Variants in PTPRM observed in about 807,000 individuals in gnomAD.
PTPRM encodes the protein protein tyrosine phosphatase receptor type M, also known as receptor-type tyrosine-protein phosphatase mu.
A neutral mutation model predicts 186.7 loss-of-function variants in PTPRM; 47 were observed. The ratio of observed to expected loss-of-function variants is 0.25; its 90% CI spans 0.20 to 0.32. PTPRM has a LOEUF of 0.32. Among genes scored for constraint, PTPRM ranks in the 10% least tolerant of loss-of-function variants. PTPRM has a pLI of 1.00. For missense variants in PTPRM, 1,494 were observed against 1,865.0 expected (o/e 0.80, Z 3.66); for synonymous variants, 668 against 674.9 (o/e 0.99, Z 0.16).
intron 1 of PTPRM, among the ~76,000 whole-genome samples, chr18:7,699,081 T>G (rs1390705090): frequency 1.3e-5 from 2 of 152,166 alleles, no homozygotes; most frequent in Non-Finnish European, 2.9e-5. Context: ...AGCGGCAGCA[T>G]TAGATTCTCA....
At chr18:7,853,622 C>T (rs2046965984) in intron 2 of PTPRM, among the ~76,000 whole-genome samples, 1 of 152,176 alleles carries the variant, frequency 6.6e-6, no homozygotes, top group African/African-American at 2.4e-5. Context: ...TTCTCTTCTT[C>T]TCAAACAGTT....
At chr18:7,913,662 C>G (rs2050399338) in intron 4 of PTPRM, among the ~76,000 whole-genome samples, 1 of 152,124 alleles carries the variant, frequency 6.6e-6, no homozygotes, top group Non-Finnish European at 1.5e-5. Flanking sequence ...TGGAACACAT[C>G]TCACTTAGGC....
intron 22 of PTPRM, among the ~76,000 whole-genome samples, chr18:8,337,940 CAT>C (rs1291004863): frequency 2.0e-5 from 3 of 152,146 alleles, no homozygotes; most frequent in Non-Finnish European, 2.9e-5. Context: ...AGGAAAATGA[CAT>C]GTGGGGTTTA....
chr18:8,356,608 T>C (rs1003059309), intron 23 of PTPRM, among the ~76,000 whole-genome samples: 2 of 152,160 alleles, frequency 1.3e-5, no homozygotes, highest in Admixed American at 1.3e-4. Context: ...GGGAAGTAGC[T>C]ATTTTAGGGA....
At chr18:8,305,223 G>T (rs1376842521) in intron 20 of PTPRM, among the ~76,000 whole-genome samples, 1 of 152,066 alleles carries the variant, frequency 6.6e-6, no homozygotes, top group Non-Finnish European at 1.5e-5. Context: ...ATCATTGAAT[G>T]GTTACCAAGG....
chr18:8,070,768 TA>T (rs1197086021), intron 8 of PTPRM, among the ~76,000 whole-genome samples: 2 of 152,204 alleles, frequency 1.3e-5, no homozygotes, highest in African/African-American at 4.8e-5. Flanking sequence ...AAATTTGACC[TA>T]AAAATCATTT....
chr18:7,724,339 C>T (rs1010792124), intron 1 of PTPRM, among the ~76,000 whole-genome samples: 3 of 152,096 alleles, frequency 2.0e-5, no homozygotes, highest in African/African-American at 7.2e-5. Context: ...TGACTTTAAC[C>T]ATTTTTTCCT....
At chr18:8,280,616 A>T (rs905217267) in intron 19 of PTPRM, among the ~76,000 whole-genome samples, 1 of 152,194 alleles carries the variant, frequency 6.6e-6, no homozygotes, top group Non-Finnish European at 1.5e-5. Context: ...TAAATAATTT[A>T]CATTAAATGT....
chr18:7,946,109 C>T (rs1419080314), intron 5 of PTPRM, among the ~76,000 whole-genome samples: 1 of 152,176 alleles, frequency 6.6e-6, no homozygotes, highest in Non-Finnish European at 1.5e-5. Flanking sequence ...CCATCTGTGG[C>T]ATGAAGACAG....
chr18:7,630,919 A>G (rs781419824), intron 1 of PTPRM, among the ~76,000 whole-genome samples: 1 of 152,138 alleles, frequency 6.6e-6, no homozygotes, highest in Non-Finnish European at 1.5e-5. Context: ...AGCCAGTGGT[A>G]ATTTACATGG....
chr18:7,941,905 AAAGT>A (rs2052200015), intron 5 of PTPRM, among the ~76,000 whole-genome samples: 1 of 152,238 alleles, frequency 6.6e-6, no homozygotes, highest in Non-Finnish European at 1.5e-5. Context: ...TGGAGGAAGA[AAAGT>A]AATACCTTTC....
intron 7 of PTPRM, among the ~76,000 whole-genome samples, chr18:8,045,901 A>G (rs2087015112): frequency 6.6e-6 from 1 of 152,230 alleles, no homozygotes; most frequent in Non-Finnish European, 1.5e-5. Flanking sequence ...AGACTTCCAC[A>G]AATCAAGTCT....
intron 4 of PTPRM, 37 bp downstream of exon 4, chr18:7,906,620 A>G: frequency 2.8e-6 from 4 of 1,449,214 alleles, no homozygotes; most frequent in Non-Finnish European, 3.9e-6. Context: ...CGGGTACATC[A>G]TTGGGGGCAT....
intron 7 of PTPRM, among the ~76,000 whole-genome samples, chr18:8,017,582 C>CAA (rs71354586): frequency 0.38 from 24,744 of 64,620 alleles, 5,025 homozygotes; most frequent in Non-Finnish European, 0.4. Context: ...GACTCCTTCT[C>CAA]AAAAAAAAAA....
chr18:7,819,788 A>G (rs1319264352), intron 2 of PTPRM, among the ~76,000 whole-genome samples: 1 of 152,118 alleles, frequency 6.6e-6, no homozygotes, highest in Non-Finnish European at 1.5e-5. Flanking sequence ...GTCTGTCTGT[A>G]TGCTCCCCTA....
intron 31 of PTPRM, among the ~76,000 whole-genome samples, chr18:8,393,891 C>T (rs2095831523): frequency 6.6e-6 from 1 of 152,150 alleles, no homozygotes; most frequent in African/African-American, 2.4e-5. Context: ...CGGGTTCACG[C>T]CATTCTCCTG....
intron 20 of PTPRM, among the ~76,000 whole-genome samples, chr18:8,300,503 TAAA>T (rs60113332): frequency 2.1e-5 from 3 of 144,408 alleles, no homozygotes; most frequent in Admixed American, 1.4e-4. Context: ...ATTACTTCAT[TAAA>T]AAAAAAAAAA....
At chr18:8,056,896 G>A (rs748233778) in intron 7 of PTPRM, among the ~76,000 whole-genome samples, 27 of 152,032 alleles carry the variant, frequency 1.8e-4, no homozygotes, top group African/African-American at 2.4e-4. Flanking sequence ...CCAGGAGGGC[G>A]TATAGACAAA....
intron 1 of PTPRM, among the ~76,000 whole-genome samples, chr18:7,649,626 T>C (rs878919872): frequency 6.6e-6 from 1 of 152,044 alleles, no homozygotes; most frequent in South Asian, 2.1e-4. Context: ...GTGGAGAAAG[T>C]AACTACAGAT....
Sources: allele counts gnomAD v4.1 joint callset (sites outside exome capture counted in the v4.1 genomes callset), GRCh38; gene constraint gnomAD v4.1.1; transcripts MANE v1.5; gene names NCBI Gene and HGNC (gene_info 2026-07-23, HGNC 2026-07-21).